The following TRIQK variants were observed in gnomAD, a reference collection of about 807,000 sequenced individuals.
The protein encoded by TRIQK is triple QxxK/R motif-containing protein.
In TRIQK, 10 loss-of-function variants were observed where a neutral mutation model predicts 10.8. The ratio of observed to expected loss-of-function variants is 0.92; its 90% CI spans 0.57 to 1.57. The LOEUF (loss-of-function observed/expected upper bound fraction) is 1.57. TRIQK is among the 40% of genes most tolerant of loss of function. The pLI is 0.00. For synonymous variants in TRIQK, 33 were observed against 33.7 expected (o/e 0.98, Z 0.07); for missense variants, 107 against 97.7 (o/e 1.09, Z -0.40).
chr8:92,913,886 G>A (rs563091006), intron 3 of TRIQK, among the ~76,000 whole-genome samples: 32 of 152,166 alleles, frequency 2.1e-4, no homozygotes, highest in African/African-American at 5.1e-4. Flanking sequence ...ACCAAACACC[G>A]CATGTTCTCA....
At chr8:92,937,682 A>T (rs1251436644) in intron 2 of TRIQK, among the ~76,000 whole-genome samples, 6 of 151,000 alleles carry the variant, frequency 4.0e-5, no homozygotes, top group African/African-American at 1.5e-4. Context: ...TTACATTTTT[A>T]GCAGTTACTA....
chr8:92,999,261 C>G (rs1026366923), intron 1 of TRIQK, among the ~76,000 whole-genome samples: 1 of 151,834 alleles, frequency 6.6e-6, no homozygotes, highest in Admixed American at 6.6e-5. Flanking sequence ...TTGTGTTTTT[C>G]TGTGCAAATG....
chr8:92,977,370 C>T (rs1414560049), intron 1 of TRIQK, among the ~76,000 whole-genome samples: 5 of 151,524 alleles, frequency 3.3e-5, no homozygotes, highest in Non-Finnish European at 7.4e-5. Flanking sequence ...CTCTTTTTTT[C>T]TCTCTGTATA....
At chr8:92,958,212 C>G (rs1207049390) in intron 1 of TRIQK, among the ~76,000 whole-genome samples, 1 of 151,948 alleles carries the variant, frequency 6.6e-6, no homozygotes, top group Non-Finnish European at 1.5e-5. Context: ...ATCACAAGAA[C>G]CCATTGACAG....
At chr8:92,950,722 G>A (rs142341794) in intron 2 of TRIQK, among the ~76,000 whole-genome samples, 1 of 152,060 alleles carries the variant, frequency 6.6e-6, no homozygotes, top group South Asian at 2.1e-4. Flanking sequence ...AATATTTAAA[G>A]TAACCCTAGG....
intron 3 of TRIQK, among the ~76,000 whole-genome samples, chr8:92,906,248 A>G (rs866959695): frequency 2.0e-5 from 3 of 152,160 alleles, no homozygotes; most frequent in Admixed American, 6.6e-5. Flanking sequence ...TTTGAATTCT[A>G]CATACCTATA....
intron 1 of TRIQK, among the ~76,000 whole-genome samples, chr8:92,977,758 G>A (rs755720721): frequency 6.6e-6 from 1 of 151,896 alleles, no homozygotes; most frequent in Non-Finnish European, 1.5e-5. Flanking sequence ...TTGGGTTCTG[G>A]ATATTTTTGT....
intron 1 of TRIQK, among the ~76,000 whole-genome samples, chr8:93,006,146 C>T (rs997354080): frequency 6.6e-6 from 1 of 152,012 alleles, no homozygotes; most frequent in Non-Finnish European, 1.5e-5. Flanking sequence ...AAAACATTGA[C>T]GAGGACCACC....
intron 2 of TRIQK, among the ~76,000 whole-genome samples, chr8:92,945,006 T>A (rs1012191912): frequency 6.6e-6 from 1 of 152,144 alleles, no homozygotes; most frequent in African/African-American, 2.4e-5. Context: ...AAAACAAAGT[T>A]AATAAAAAAA....
At chr8:92,949,824 AAGAAAGAAAGAAAGAAAG>A (rs1451436594) in intron 2 of TRIQK, among the ~76,000 whole-genome samples, 1 of 134,504 alleles carries the variant, frequency 7.4e-6, no homozygotes, top group Non-Finnish European at 1.6e-5. Flanking sequence ...GAAAGAAAGA[AAGAAAGAAAGAAAGAAAG>A]GGAGAGAAAA....
At chr8:92,958,101 T>C (rs1296703698) in intron 1 of TRIQK, among the ~76,000 whole-genome samples, 1 of 151,964 alleles carries the variant, frequency 6.6e-6, no homozygotes, top group Non-Finnish European at 1.5e-5. Context: ...GCATGTCATA[T>C]AAGAGCCTCC....
At chr8:92,947,725 C>G (rs912867054) in intron 2 of TRIQK, among the ~76,000 whole-genome samples, 1 of 150,006 alleles carries the variant, frequency 6.7e-6, no homozygotes, top group Non-Finnish European at 1.5e-5. Context: ...AGCCCATAAA[C>G]TACATCCATT....
At chr8:92,916,801 A>G (rs898496827) in intron 3 of TRIQK, 128 bp downstream of exon 3, 12 of 604,810 alleles carry the variant, frequency 2.0e-5, no homozygotes, top group Non-Finnish European at 2.9e-5. Flanking sequence ...ATAAAACTCT[A>G]TAAAGTCCTT....
intron 3 of TRIQK, among the ~76,000 whole-genome samples, chr8:92,914,130 T>A (rs1244041509): frequency 6.6e-6 from 1 of 152,054 alleles, no homozygotes; most frequent in East Asian, 1.9e-4. Flanking sequence ...AAAAATAAAA[T>A]TCAGCACCAT....
Position 92,952,328 on chromosome 8 carries a change from G to A in TRIQK, c.-22+2078C>T, listed in dbSNP as rs116007494. Among the ~76,000 whole-genome samples, 892 of 151,990 alleles carry A rather than the reference G, an allele frequency of 5.9e-3. 6 individuals are homozygous for A. The highest frequency in any genetic ancestry group is 0.02 in the African/African-American group (834 of 41,488). ...CAGAAATGAAGAGTGCCTTTGATGAGCTTATTCATAGATTGAACACTAGCT... is the reference window on the plus strand; with the variant it reads ...CAGAAATGAAGAGTGCCTTTGATGAACTTATTCATAGATTGAACACTAGCT... On this transcript the variant is annotated intron_variant, in intron 2 of 4. Transcript: ENST00000521988.
intron 1 of TRIQK, among the ~76,000 whole-genome samples, chr8:92,987,214 T>TA (rs1813044243): frequency 6.6e-6 from 1 of 152,198 alleles, no homozygotes; most frequent in Admixed American, 6.5e-5. Flanking sequence ...GCCACTGACT[T>TA]ACTTAAGTGA....
Position 92,883,920 on chromosome 8 carries a change from T to G in TRIQK, c.*2702A>C, listed in dbSNP as rs1816335945. 6.6e-6 allele frequency: 1 copy of G among 151,726 alleles called. No individual in the cohort carries two copies. Among genetic ancestry groups the G allele is most frequent in the Non-Finnish European group, 1.5e-5 (1 of 67,804 alleles). The allele number at this position is 151,726 out of a possible 1,614,324, so 9.4% of individuals were successfully genotyped here. A position where few individuals can be genotyped will look rare whatever the true frequency, so the allele number is the denominator to read the frequency against. On this transcript the variant is annotated 3_prime_UTR_variant, in exon 5 of 5. Transcript: ENST00000521988. ...ATACTGTATCTCATCTCAAATAAAT[T>G]TATACATTCTTTACCCTGTCTAAAC... is the stretch of plus-strand genomic sequence containing the variant.
At chr8:92,986,173 T>C (rs114742678) in intron 1 of TRIQK, among the ~76,000 whole-genome samples, 16 of 152,294 alleles carry the variant, frequency 1.1e-4, no homozygotes, top group African/African-American at 3.6e-4. Context: ...GAATCGAGTA[T>C]AACTTCATGT....
intron 2 of TRIQK, among the ~76,000 whole-genome samples, chr8:92,945,747 C>T (rs1361452091): frequency 6.6e-6 from 1 of 151,990 alleles, no homozygotes; most frequent in East Asian, 1.9e-4. Context: ...TTAGCATTTG[C>T]CCCAAGAGGT....
Sources: gnomAD v4.1 joint callset for allele counts (sites outside exome capture counted in the v4.1 genomes callset) on GRCh38, gnomAD v4.1.1 for gene constraint, MANE v1.5 for transcripts, NCBI Gene and HGNC (gene_info 2026-07-23, HGNC 2026-07-21) for gene names.